The following CREBL2 variants were observed in gnomAD, a reference collection of about 807,000 sequenced individuals.
CREBL2 encodes the protein cAMP responsive element binding protein like 2.
A neutral mutation model predicts 19.5 loss-of-function variants in CREBL2; 4 were observed. The observed-to-expected ratio is 0.20, with a 90% CI of 0.10 to 0.47. CREBL2 has a LOEUF of 0.47. Ranked by LOEUF, CREBL2 falls within the 20% of genes least tolerant of loss-of-function variation. CREBL2 has a pLI of 0.98. For missense variants in CREBL2, 85 were observed against 145.1 expected (o/e 0.59, Z 2.13); for synonymous variants, 42 against 46.6 (o/e 0.90, Z 0.40).
In CREBL2 at chr12:12,643,714, T is replaced by C. The variant is rs972614188; in HGVS notation, c.*1716T>C. On this transcript the variant is annotated 3_prime_UTR_variant, in exon 4 of 4. Coordinates refer to ENST00000228865, the MANE Select transcript of CREBL2 (RefSeq NM_001310.4). Reference sequence around the variant, plus strand: ...AGTCATGTGTGACTGTGTACTGAGATACCACTAGCCCAGTTTGCTGGGTCT... The same window carrying C: ...AGTCATGTGTGACTGTGTACTGAGACACCACTAGCCCAGTTTGCTGGGTCT... 6.6e-6 allele frequency: 1 copy of C among 152,204 alleles called. No homozygotes were observed. The highest frequency in any genetic ancestry group is 1.5e-5 in the Non-Finnish European group (1 of 68,028). The allele number at this position is 152,204 out of a possible 1,614,324, so 9.4% of individuals were successfully genotyped here. A position where few individuals can be genotyped will look rare whatever the true frequency, so the allele number is the denominator to read the frequency against.
In CREBL2 at chr12:12,643,797, A is replaced by G. The variant is rs944241296; in HGVS notation, c.*1799A>G. On this transcript the variant is annotated 3_prime_UTR_variant, in exon 4 of 4. Coordinates refer to ENST00000228865, the MANE Select transcript of CREBL2 (RefSeq NM_001310.4). ...TTAATGTCTTTTTAGGATCATAAAC[A>G]TAAATAGGTTTGTTGATATTCAGGC... 2.6e-5 allele frequency: 4 copies of G among 152,518 alleles called. No homozygotes were observed. Among genetic ancestry groups the G allele is most frequent in the Non-Finnish European group, 5.9e-5 (4 of 68,022 alleles). 9.4% of individuals were successfully genotyped at this position (152,518 alleles called of 1,614,324 possible). A position where few individuals can be genotyped will look rare whatever the true frequency, so the allele number is the denominator to read the frequency against.
Position 12,644,934 on chromosome 12 carries a change from G to A in CREBL2, c.*2936G>A, listed in dbSNP as rs1945553597. 1 of 152,162 alleles carries A rather than the reference G, an allele frequency of 6.6e-6. No individual in the cohort carries two copies. Among genetic ancestry groups the A allele is most frequent in the Non-Finnish European group, 1.5e-5 (1 of 68,024 alleles). 9.4% of individuals were successfully genotyped at this position (152,162 alleles called of 1,614,324 possible). ...ATTACATATTTAGTTTTAAAAGGAGGAGTCACCTTGAATTATTTTCTGAGT... is the reference window on the plus strand; with the variant it reads ...ATTACATATTTAGTTTTAAAAGGAGAAGTCACCTTGAATTATTTTCTGAGT... On this transcript the variant is annotated 3_prime_UTR_variant, in exon 4 of 4. Coordinates refer to ENST00000228865, the MANE Select transcript of CREBL2 (RefSeq NM_001310.4).
At position 12,612,084 on chromosome 12, in the gene CREBL2, C is replaced by G. The variant is rs1945271177; in HGVS notation, c.-89C>G. 22 of 1,533,458 alleles carry G rather than the reference C, an allele frequency of 1.4e-5. No homozygotes were observed. The highest frequency in any genetic ancestry group is 1.8e-5 in the Non-Finnish European group (20 of 1,117,584). The allele number at this position is 1,533,458 out of a possible 1,614,324, so 95.0% of individuals were successfully genotyped here. A position where few individuals can be genotyped will look rare whatever the true frequency, so the allele number is the denominator to read the frequency against. ...GAGGCAGCCAGAACCATATCCCCTT[C>G]TTCCTCGGGGCGGGGGCCGGGCCAG... is the stretch of plus-strand genomic sequence containing the variant. On this transcript the variant is annotated 5_prime_UTR_variant, in exon 1 of 4. Transcript: ENST00000228865.
At position 12,644,466 on chromosome 12, in the gene CREBL2, G is replaced by A. The variant is rs996944524; in HGVS notation, c.*2468G>A. 6.6e-6 allele frequency: 1 copy of A among 152,042 alleles called. No homozygotes were observed. Among genetic ancestry groups the A allele is most frequent in the African/African-American group, 2.4e-5 (1 of 41,208 alleles). The allele number at this position is 152,042 out of a possible 1,614,324, so 9.4% of individuals were successfully genotyped here. A position where few individuals can be genotyped will look rare whatever the true frequency, so the allele number is the denominator to read the frequency against. On this transcript the variant is annotated 3_prime_UTR_variant, in exon 4 of 4. Coordinates refer to ENST00000228865, the MANE Select transcript of CREBL2 (RefSeq NM_001310.4). The stretch of plus-strand genomic sequence containing the variant: ...TTGCTTTCTGAGTAAACAGAGTAAT[G>A]TTTTTTTTCTTATTTTCCCAAAGAA...
At chr12:12,635,073 GAA>G (rs1592241926) in intron 1 of CREBL2, among the ~76,000 whole-genome samples, 1 of 150,854 alleles carries the variant, frequency 6.6e-6, no homozygotes, top group East Asian at 1.9e-4. Context: ...CTCAAAAAAA[GAA>G]AAAAAAGTGG....
rs972326751 is a variant in CREBL2 at position 12,632,997 on chromosome 12, G to A, written c.16-2780G>A. Among the ~76,000 whole-genome samples the A allele has an allele frequency of 6.6e-5, 10 of 150,912 alleles. 1 individual carries two copies. The South Asian group carries it at 8.4e-4, about 13-fold the overall frequency. On this transcript the variant is annotated intron_variant, in intron 1 of 3. Transcript: ENST00000228865. The stretch of plus-strand genomic sequence containing the variant: ...CATCTAGCCTGGAGTGCAGTGGCCC[G>A]ATCTGGACCCACTGCAACCTCCACC...
At position 12,642,909 on chromosome 12, in the gene CREBL2, A is replaced by G. The variant is rs533047414; in HGVS notation, c.*911A>G. 3.9e-5 allele frequency: 6 copies of G among 152,754 alleles called. No individual in the cohort carries two copies. Among genetic ancestry groups the G allele is most frequent in the African/African-American group, 1.2e-4 (5 of 41,576 alleles). 9.5% of individuals were successfully genotyped at this position (152,754 alleles called of 1,614,324 possible). A position where few individuals can be genotyped will look rare whatever the true frequency, so the allele number is the denominator to read the frequency against. Reference sequence around the variant, plus strand: ...GAATGTTCACACACTTTTCTTGCGTACTCAACTAAATTGGAGAATGTTTCT... The same window carrying G: ...GAATGTTCACACACTTTTCTTGCGTGCTCAACTAAATTGGAGAATGTTTCT... On this transcript the variant is annotated 3_prime_UTR_variant, in exon 4 of 4. Transcript: ENST00000228865.
At position 12,642,127 on chromosome 12, in the gene CREBL2, A is replaced by C. The variant is rs1945527720; in HGVS notation, c.*129A>C. The stretch of plus-strand genomic sequence containing the variant: ...CAGTAGTCATCTCTGTAAATCTGCA[A>C]TTTCTACCAAAATGTGTGATCGTAG... On this transcript the variant is annotated 3_prime_UTR_variant, in exon 4 of 4. Transcript: ENST00000228865. The C allele has an allele frequency of 3.7e-6, 2 of 543,700 alleles. No homozygotes were observed. The highest frequency in any genetic ancestry group is 6.3e-6 in the Non-Finnish European group (2 of 319,106). 33.7% of individuals were successfully genotyped at this position (543,700 alleles called of 1,614,324 possible).
At chr12:12,619,930 ACC>A (rs1212421116) in intron 1 of CREBL2, among the ~76,000 whole-genome samples, 1 of 151,998 alleles carries the variant, frequency 6.6e-6, no homozygotes, top group Non-Finnish European at 1.5e-5. Context: ...TACCCTTTTA[ACC>A]CTCTCCCTCT....
At chr12:12,635,745 G>C in intron 1 of CREBL2, 32 bp from the exon 2 acceptor site, 1 of 1,574,832 alleles carries the variant, frequency 6.3e-7, no homozygotes, top group South Asian at 1.2e-5. Context: ...CAGAACTAAG[G>C]AAAAAATTAT....
At chr12:12,618,952 T>G (rs907914837) in intron 1 of CREBL2, among the ~76,000 whole-genome samples, 3 of 151,882 alleles carry the variant, frequency 2.0e-5, no homozygotes, top group Non-Finnish European at 2.9e-5. Context: ...GGCAGGAGAA[T>G]CAGGCAGGGA....
chr12:12,621,893 T>A (rs980409161), intron 1 of CREBL2, among the ~76,000 whole-genome samples: 21 of 152,202 alleles, frequency 1.4e-4, no homozygotes, highest in Admixed American at 3.3e-4. Flanking sequence ...GATTTGTGTT[T>A]TTGAAGAAAA....
intron 1 of CREBL2, among the ~76,000 whole-genome samples, chr12:12,623,948 C>A: frequency 6.6e-6 from 1 of 152,124 alleles, no homozygotes; most frequent in Middle Eastern, 3.2e-3. Flanking sequence ...GGCTACAAGT[C>A]AAGGAATGCT....
rs1395663072 is a variant in CREBL2, at chr12:12,623,111, T to C, written c.15+10924T>C. 1.3e-4 allele frequency among the ~76,000 whole-genome samples: 19 copies of C among 151,602 alleles called. 1 individual carries two copies. The highest frequency in any genetic ancestry group is 1.2e-3 in the East Asian group (6 of 5,198). ...TTTGTAACAACTTCTTTTTTTTTTT[T>C]TTTTTTGTAACAACTTCTTTAAAGT... On this transcript the variant is annotated intron_variant, in intron 1 of 3. Coordinates refer to ENST00000228865, the MANE Select transcript of CREBL2 (RefSeq NM_001310.4).
chr12:12,612,092 G>T lies in CREBL2; in HGVS notation c.-81G>T. On this transcript the variant is annotated 5_prime_UTR_variant, in exon 1 of 4. Coordinates refer to ENST00000228865, the MANE Select transcript of CREBL2 (RefSeq NM_001310.4). ...CAGAACCATATCCCCTTCTTCCTCG[G>T]GGCGGGGGCCGGGCCAGGCCGGCTG... The T allele has an allele frequency of 6.4e-7, 1 of 1,562,600 alleles. No homozygotes were observed. The highest frequency in any genetic ancestry group is 8.7e-7 in the Non-Finnish European group (1 of 1,142,980).
At chr12:12,622,370 C>T (rs905999485) in intron 1 of CREBL2, among the ~76,000 whole-genome samples, 1 of 152,130 alleles carries the variant, frequency 6.6e-6, no homozygotes, top group Admixed American at 6.5e-5. Context: ...AAAGAGAACC[C>T]TGGAAAACTC....
intron 1 of CREBL2, among the ~76,000 whole-genome samples, chr12:12,621,583 GAT>G (rs568541630): frequency 6.6e-5 from 10 of 151,716 alleles, no homozygotes; most frequent in African/African-American, 2.2e-4. Context: ...GCAGGGCGGT[GAT>G]ATATTAACCC....
chr12:12,616,753 T>A (rs1375455889), intron 1 of CREBL2, among the ~76,000 whole-genome samples: 1 of 152,194 alleles, frequency 6.6e-6, no homozygotes, highest in Non-Finnish European at 1.5e-5. Flanking sequence ...AACACACTTT[T>A]CCCTCACATT....
intron 1 of CREBL2, among the ~76,000 whole-genome samples, chr12:12,616,952 G>C (rs1179807324): frequency 6.6e-6 from 1 of 152,168 alleles, no homozygotes; most frequent in Non-Finnish European, 1.5e-5. Context: ...GTATTTGAGT[G>C]AGTAGGTCAG....
Sources: gnomAD v4.1 joint callset for allele counts (sites outside exome capture counted in the v4.1 genomes callset) on GRCh38, gnomAD v4.1.1 for gene constraint, MANE v1.5 for transcripts, NCBI Gene and HGNC (gene_info 2026-07-23, HGNC 2026-07-21) for gene names.